FRMPD4: variants seen among roughly 807,000 people sequenced by gnomAD.
FRMPD4 encodes the protein FERM and PDZ domain-containing protein 4.
In FRMPD4, 22 loss-of-function variants were observed where a neutral mutation model predicts 94.1. The observed-to-expected ratio is 0.23, with a 90% CI of 0.17 to 0.33. FRMPD4 has a LOEUF of 0.33. Among genes scored for constraint, FRMPD4 ranks in the 10% least tolerant of loss-of-function variants. The pLI, the probability that FRMPD4 is intolerant of heterozygous loss-of-function variation, is 1.00. For missense variants in FRMPD4, 1,111 were observed against 1,339.9 expected (o/e 0.83, Z 2.67); for synonymous variants, 631 against 548.6 (o/e 1.15, Z -2.10).
chrX:12,309,303 A>G (rs745514085), intron 1 of FRMPD4, among the ~76,000 whole-genome samples: 2 of 110,930 alleles, frequency 1.8e-5, no homozygotes, highest in South Asian at 7.7e-4. Flanking sequence ...TCTCTGCGAG[A>G]CACTTAGTCA....
intron 3 of FRMPD4, among the ~76,000 whole-genome samples, chrX:12,057,305 T>C (rs2054859764): frequency 9.0e-6 from 1 of 111,727 alleles, no homozygotes; most frequent in Non-Finnish European, 1.9e-5. Flanking sequence ...GGAAGCTATT[T>C]AAATATTTAG....
At chrX:11,833,004 C>G (rs2053483315) in intron 1 of FRMPD4, among the ~76,000 whole-genome samples, 1 of 112,321 alleles carries the variant, frequency 8.9e-6, no homozygotes, top group South Asian at 3.7e-4. Flanking sequence ...ATCCTTTTCT[C>G]CCTACTAACC....
At chrX:11,998,040 C>T (rs1174134041) in intron 3 of FRMPD4, among the ~76,000 whole-genome samples, 1 of 111,616 alleles carries the variant, frequency 9.0e-6, no homozygotes, top group Non-Finnish European at 1.9e-5. Context: ...TTATTCTGAT[C>T]GCAATGACCT....
chrX:12,110,697 A>C (rs2055351685), intron 3 of FRMPD4, among the ~76,000 whole-genome samples: 1 of 111,934 alleles, frequency 8.9e-6, no homozygotes, highest in African/African-American at 3.2e-5. Flanking sequence ...AAATCTCCTT[A>C]AGCTGATAAG....
In FRMPD4 at chrX:11,860,420, A is replaced by G. The variant is rs17321537; in HGVS notation, c.-160-4666A>G. Among the ~76,000 whole-genome samples the G allele has an allele frequency of 5.4e-3, 609 of 111,960 alleles. 2 individuals are homozygous for G. The highest frequency in any genetic ancestry group is 8.3e-3 in the Non-Finnish European group (439 of 53,096). On this transcript the variant is annotated intron_variant, in intron 1 of 18. Transcript: ENST00000640291. ...CACTCTGACTCAGGTGGTGTTTGCA[A>G]TCTTGATTTATCCCTTGCTAAGCAG...
chrX:12,527,404 T>C (rs759119444), intron 2 of FRMPD4, among the ~76,000 whole-genome samples: 13 of 111,327 alleles, frequency 1.2e-4, no homozygotes, highest in African/African-American at 4.2e-4. Flanking sequence ...CTTCTGTTAA[T>C]ATAAATGATC....
intron 1 of FRMPD4, among the ~76,000 whole-genome samples, chrX:12,472,484 G>A (rs984754891): frequency 3.6e-5 from 4 of 112,043 alleles, no homozygotes; most frequent in Admixed American, 9.5e-5. Flanking sequence ...GCAGAGATAC[G>A]CATAGGCTCA....
At chrX:12,427,049 C>T (rs1386800356) in intron 1 of FRMPD4, among the ~76,000 whole-genome samples, 2 of 111,282 alleles carry the variant, frequency 1.8e-5, no homozygotes, top group Non-Finnish European at 3.8e-5. Context: ...ATGTGAAGTG[C>T]TTAGGACAAG....
At chrX:12,711,248 G>C (rs778420852) in intron 14 of FRMPD4, among the ~76,000 whole-genome samples, 1 of 111,658 alleles carries the variant, frequency 9.0e-6, no homozygotes, top group Non-Finnish European at 1.9e-5. Context: ...TCCTAGGCCC[G>C]GGTGTCTGGG....
intron 1 of FRMPD4, among the ~76,000 whole-genome samples, chrX:12,437,443 TTTTTTTTCCTTC>T (rs949965204): frequency 9.0e-6 from 1 of 110,817 alleles, no homozygotes; most frequent in Non-Finnish European, 1.9e-5. Flanking sequence ...GTCTTACCCA[TTTTTTTTCCTTC>T]TTTTTTTCCT....
rs185193380 is a variant in FRMPD4 at position 12,512,718 on chromosome X, A to G, written c.158+13922A>G. On this transcript the variant is annotated intron_variant, in intron 2 of 16. Coordinates refer to ENST00000675598, the MANE Select transcript of FRMPD4 (RefSeq NM_001368397.1). Reference sequence around the variant, plus strand: ...GTAACTTTATAATAGAATGATCTATATTCCTTTGGGTACATACCCAGTAAT... The same window carrying G: ...GTAACTTTATAATAGAATGATCTATGTTCCTTTGGGTACATACCCAGTAAT... 4.5e-5 allele frequency among the ~76,000 whole-genome samples: 5 copies of G among 112,202 alleles called. No individual in the cohort carries two copies. In the East Asian group the frequency reaches 1.4e-3, roughly 31 times the overall value.
intron 1 of FRMPD4, among the ~76,000 whole-genome samples, chrX:12,179,031 A>G (rs1233824124): frequency 9.0e-6 from 1 of 111,569 alleles, no homozygotes; most frequent in Non-Finnish European, 1.9e-5. Flanking sequence ...GCTTGAGCTC[A>G]CTCATCTGTC....
intron 2 of FRMPD4, among the ~76,000 whole-genome samples, chrX:12,514,658 T>A (rs990724735): frequency 2.0e-4 from 22 of 111,918 alleles, no homozygotes; most frequent in Non-Finnish European, 3.2e-4. Context: ...ATCAGGGATA[T>A]TGGCCTGAAG....
chrX:11,992,185 A>G (rs2147398091), intron 3 of FRMPD4, among the ~76,000 whole-genome samples: 1 of 111,820 alleles, frequency 8.9e-6, no homozygotes, highest in East Asian at 2.8e-4. Context: ...AATAATCAGA[A>G]TGATCATTCC....
intron 3 of FRMPD4, among the ~76,000 whole-genome samples, chrX:11,884,518 G>A (rs1391996860): frequency 9.0e-6 from 1 of 110,933 alleles, no homozygotes; most frequent in Non-Finnish European, 1.9e-5. Flanking sequence ...GTATATATGT[G>A]TATGTGTGTA....
intron 2 of FRMPD4, among the ~76,000 whole-genome samples, chrX:12,547,180 C>A (rs1014609951): frequency 4.5e-5 from 5 of 110,980 alleles, no homozygotes; most frequent in African/African-American, 1.6e-4. Flanking sequence ...TAAGTCGCTC[C>A]TGCAACGATG....
At chrX:12,280,682 A>G (rs1377210425) in intron 1 of FRMPD4, among the ~76,000 whole-genome samples, 1 of 111,616 alleles carries the variant, frequency 9.0e-6, no homozygotes, top group African/African-American at 3.3e-5. Context: ...TCATCCTCGG[A>G]TCTATGGATT....
chrX:12,305,747 T>TTTTTTTTC (rs1569225517), intron 1 of FRMPD4, among the ~76,000 whole-genome samples: 1 of 91,699 alleles, frequency 1.1e-5, no homozygotes, highest in Non-Finnish European at 2.1e-5. Context: ...TTTTTTTTTT[T>TTTTTTTTC]ACAGAGACAG....
chrX:12,104,103 T>G (rs2055276568), intron 3 of FRMPD4, among the ~76,000 whole-genome samples: 1 of 112,219 alleles, frequency 8.9e-6, no homozygotes, highest in South Asian at 3.7e-4. Context: ...ACTTCATCCT[T>G]TAATCAGGAG....
Sources: allele counts gnomAD v4.1 joint callset (sites outside exome capture counted in the v4.1 genomes callset), GRCh38; gene constraint gnomAD v4.1.1; transcripts MANE v1.5; gene names NCBI Gene and HGNC (gene_info 2026-07-23, HGNC 2026-07-21).